Variants in CPNE5 observed in about 807,000 individuals in gnomAD.
CPNE5 encodes the protein copine 5.
A neutral mutation model predicts 81.1 loss-of-function variants in CPNE5; 42 were observed. The ratio of observed to expected loss-of-function variants is 0.52; its 90% CI spans 0.40 to 0.67. The LOEUF (loss-of-function observed/expected upper bound fraction) is 0.67. CPNE5 is among the 30% of genes least tolerant of loss of function. The pLI, the probability that CPNE5 is intolerant of heterozygous loss-of-function variation, is 0.00. For synonymous variants in CPNE5, 313 were observed against 321.5 expected (o/e 0.97, Z 0.28); for missense variants, 612 against 815.5 (o/e 0.75, Z 3.04).
intron 13 of CPNE5, among the ~76,000 whole-genome samples, chr6:36,753,342 C>G (rs1765052104): frequency 6.6e-6 from 1 of 152,248 alleles, no homozygotes; most frequent in South Asian, 2.1e-4. Context: ...GATCTGAAAC[C>G]AGGGTGTGTC....
At chr6:36,836,754 C>T (rs1300721795) in intron 1 of CPNE5, among the ~76,000 whole-genome samples, 1 of 152,134 alleles carries the variant, frequency 6.6e-6, no homozygotes, top group Non-Finnish European at 1.5e-5. Flanking sequence ...CCTTTTCCTC[C>T]TCCTCTTTCT....
chr6:36,742,674 T>C (rs1763671257), intron 20 of CPNE5, 188 bp from the exon 21 acceptor site: 6 of 984,376 alleles, frequency 6.1e-6, no homozygotes, highest in Non-Finnish European at 6.0e-6. Context: ...TCAGTAACTA[T>C]AGTCATAGTC....
intron 6 of CPNE5, among the ~76,000 whole-genome samples, chr6:36,797,892 A>G (rs1769735611): frequency 6.6e-6 from 1 of 152,076 alleles, no homozygotes; most frequent in Non-Finnish European, 1.5e-5. Context: ...ACACTATGAT[A>G]GGGGTCAGGG....
intron 3 of CPNE5, among the ~76,000 whole-genome samples, chr6:36,813,185 C>T (rs962979126): frequency 6.6e-6 from 1 of 152,224 alleles, no homozygotes; most frequent in Non-Finnish European, 1.5e-5. Flanking sequence ...CACACAGTGG[C>T]CAGGGCTGTC....
chr6:36,804,365 C>CA (rs1770396359), intron 3 of CPNE5, among the ~76,000 whole-genome samples: 1 of 152,230 alleles, frequency 6.6e-6, no homozygotes, highest in Non-Finnish European at 1.5e-5. Context: ...AACAATCTTA[C>CA]AATGCATAAC....
At chr6:36,745,775 C>T (rs983861253) in intron 16 of CPNE5, among the ~76,000 whole-genome samples, 1 of 152,168 alleles carries the variant, frequency 6.6e-6, no homozygotes, top group Admixed American at 6.5e-5. Flanking sequence ...TGGCTGCTTC[C>T]CTCAGGGAAC....
chr6:36,807,348 C>T (rs1026898701), intron 3 of CPNE5, among the ~76,000 whole-genome samples: 9 of 152,178 alleles, frequency 5.9e-5, no homozygotes, highest in African/African-American at 2.2e-4. Context: ...TCAGTTTCCT[C>T]CTCTGTAAAA....
At chr6:36,773,092 C>T (rs534293295) in intron 10 of CPNE5, among the ~76,000 whole-genome samples, 27 of 152,144 alleles carry the variant, frequency 1.8e-4, no homozygotes, top group Admixed American at 4.6e-4. Context: ...CTATGTTACG[C>T]GGGCTGGTCT....
rs745715692 is a variant in CPNE5, at chr6:36,746,427, G to A, written c.1169C>T (p.Pro390Leu). The A allele has an allele frequency of 1.9e-6, 3 of 1,595,332 alleles. No homozygotes were observed. The highest frequency in any genetic ancestry group is 1.1e-5 in the South Asian group (1 of 90,610). ...GAACTCGTGGGACACTCTGCCATCC[G>A]GGGGCAGCTTGGCCCCGAAGCCCAG... is the stretch of plus-strand genomic sequence containing the variant. ...PALGFGAKLP[P>L]DGRVSHEFPL... Residue 390 changes from proline (P) to leucine (L), a missense_variant, in exon 16 of 21, where the codon CCG (proline) becomes CTG (leucine). By Grantham distance (98) the Pro-to-Leu change is moderately conservative (BLOSUM62 -3). Coordinates refer to ENST00000244751, the MANE Select transcript of CPNE5 (RefSeq NM_020939.2). This position sits in a 1 kb window ranked among gnomAD's most constrained non-coding sequence, Gnocchi z 4.5.
chr6:36,778,862 C>T lies in CPNE5; in HGVS notation c.624G>A (p.Glu208=). 2 of 1,597,522 alleles carry T rather than the reference C, an allele frequency of 1.3e-6. No individual in the cohort carries two copies. Among genetic ancestry groups the T allele is most frequent in the Middle Eastern group, 3.3e-4 (2 of 6,024 alleles). Residue 208 remains glutamate, a synonymous_variant, in exon 9 of 21, where the codon GAG becomes GAA. Coordinates refer to ENST00000244751, the MANE Select transcript of CPNE5 (RefSeq NM_020939.2). ...DPFLVFYRSN[E]DGTFTICHKT... The stretch of plus-strand genomic sequence containing the variant: ...GTCCCCAGAAAACTCACGTTCCATC[C>T]TCGTTGCTTCTGTAGAATACCAAGA...
intron 3 of CPNE5, among the ~76,000 whole-genome samples, chr6:36,801,581 G>C (rs879461160): frequency 6.6e-5 from 10 of 152,196 alleles, no homozygotes; most frequent in Admixed American, 6.5e-4. Context: ...GCTAAGAGGT[G>C]AAGTTTAAAC....
At chr6:36,753,991 T>A (rs1765123211) in intron 13 of CPNE5, among the ~76,000 whole-genome samples, 2 of 152,164 alleles carry the variant, frequency 1.3e-5, no homozygotes, top group South Asian at 4.1e-4. Context: ...GCACCACCCT[T>A]ACTTGGCAGT....
rs188969554 is a variant in CPNE5 at position 36,770,354 on chromosome 6, C to G, written c.737+4607G>C. ...TTGTAAAATAGGCACAGCACTAGAC[C>G]CGGCTCCTAGGGTTATTGTAAAATT... On this transcript the variant is annotated intron_variant, in intron 10 of 20. Transcript: ENST00000244751. Among the ~76,000 whole-genome samples the G allele has an allele frequency of 3.9e-5, 6 of 152,286 alleles. No homozygotes were observed. The East Asian group carries it at 1.2e-3, about 29-fold the overall frequency.
At chr6:36,794,473 G>T (rs1227328523) in intron 7 of CPNE5, 117 bp downstream of exon 7, 1 of 966,236 alleles carries the variant, frequency 1.0e-6, no homozygotes, top group Non-Finnish European at 1.6e-6. Context: ...TCTGTCCCCG[G>T]ATCAGGGCCA....
chr6:36,819,981 C>T (rs1460065276), intron 3 of CPNE5, among the ~76,000 whole-genome samples: 1 of 152,244 alleles, frequency 6.6e-6, no homozygotes, highest in Non-Finnish European at 1.5e-5. Context: ...CCCTGCAAGC[C>T]AGCTTCAGCT....
At chr6:36,747,849 C>G (rs1038802164) in intron 15 of CPNE5, among the ~76,000 whole-genome samples, 1 of 152,236 alleles carries the variant, frequency 6.6e-6, no homozygotes, top group South Asian at 2.1e-4. Flanking sequence ...CCACAGAGCT[C>G]AGCCTTGGCT....
intron 1 of CPNE5, among the ~76,000 whole-genome samples, chr6:36,823,636 A>T (rs4714014): frequency 6.6e-6 from 1 of 151,998 alleles, no homozygotes; most frequent in Non-Finnish European, 1.5e-5. Context: ...GGTCAAGACC[A>T]GGGCTAACAC....
chr6:36,787,196 C>T (rs1030334328), intron 8 of CPNE5, among the ~76,000 whole-genome samples: 1 of 152,206 alleles, frequency 6.6e-6, no homozygotes, highest in Non-Finnish European at 1.5e-5. Flanking sequence ...CATGGCTCTT[C>T]CTTCTTCCCT....
At chr6:36,783,600 C>A (rs1303079147) in intron 8 of CPNE5, among the ~76,000 whole-genome samples, 3 of 152,126 alleles carry the variant, frequency 2.0e-5, no homozygotes, top group Non-Finnish European at 2.9e-5. Flanking sequence ...ACCTCCTGGG[C>A]TCAAGCAATC....
Sources: allele counts gnomAD v4.1 joint callset (sites outside exome capture counted in the v4.1 genomes callset), GRCh38; gene constraint gnomAD v4.1.1; non-coding constraint Gnocchi (gnomAD v3.1); transcripts MANE v1.5; gene names NCBI Gene and HGNC (gene_info 2026-07-23, HGNC 2026-07-21).